MORC4: variants seen among roughly 807,000 people sequenced by gnomAD.
MORC4 encodes the protein MORC family CW-type zinc finger protein 4.
A neutral mutation model predicts 65.5 loss-of-function variants in MORC4; 22 were observed. The observed-to-expected ratio is 0.34, with a 90% CI of 0.24 to 0.48. The LOEUF is 0.48. MORC4 is among the 20% of genes least tolerant of loss of function. The pLI, the probability that MORC4 is intolerant of heterozygous loss-of-function variation, is 0.99. For missense variants in MORC4, 624 were observed against 703.0 expected (o/e 0.89, Z 1.27); for synonymous variants, 267 against 255.8 (o/e 1.04, Z -0.42).
chrX:106,970,457 G>A (rs746002081), intron 9 of MORC4, among the ~76,000 whole-genome samples: 1 of 111,863 alleles, frequency 8.9e-6, no homozygotes, highest in East Asian at 2.8e-4. Flanking sequence ...ACATGGTATT[G>A]GAAGTTCTGG....
chrX:106,942,652 C>T lies in MORC4; in HGVS notation c.2239G>A (p.Glu747Lys), dbSNP rs1347249313. The change falls in exon 15 of 17, where the codon GAG (glutamate) becomes AAG (lysine). Residue 747 changes from glutamate to lysine, a missense_variant. By Grantham distance (56) the Glu-to-Lys change is moderately conservative (BLOSUM62 1). Transcript: ENST00000355610. ...SAAIPAAAIG[E>K]KARGYEESEG... is the part of the protein sequence containing the mutation. ...CTCTCCTCATAGCCTCTTGCTTTCT[C>T]CCCAATGGCTGCAGCAGGGATTGCA... 2 of 1,209,830 alleles carry T rather than the reference C, an allele frequency of 1.7e-6. No homozygotes were observed. Among genetic ancestry groups the T allele is most frequent in the African/African-American group, 3.5e-5 (2 of 57,063 alleles).
At chrX:106,950,909 A>C (rs886594503) in intron 14 of MORC4, among the ~76,000 whole-genome samples, 2 of 111,487 alleles carry the variant, frequency 1.8e-5, no homozygotes, top group Admixed American at 9.5e-5. Flanking sequence ...AATGCCACTG[A>C]CTCTTGCTGT....
chrX:106,960,875 T>C (rs1400838493), intron 10 of MORC4, among the ~76,000 whole-genome samples: 1 of 111,969 alleles, frequency 8.9e-6, no homozygotes, highest in Admixed American at 9.5e-5. Flanking sequence ...GAAATAAAAT[T>C]TTATATCATA....
chrX:106,945,794 T>C (rs1283797805), intron 14 of MORC4, among the ~76,000 whole-genome samples: 1 of 111,343 alleles, frequency 9.0e-6, no homozygotes, highest in African/African-American at 3.3e-5. Context: ...CTCCATTGTC[T>C]GTCAATTCAT....
rs368406507 is a variant in MORC4 at position 106,958,317 on chromosome X, T to C, written c.1385+19A>G. On this transcript the variant is annotated intron_variant, in intron 11 of 16. Coordinates refer to ENST00000355610, the MANE Select transcript of MORC4 (RefSeq NM_024657.5). ...ATCAGGAGTTACCTTGAGCATAAGATTGAGTCCTGGAACCTTACCTGTACT... is the reference window on the plus strand; with the variant it reads ...ATCAGGAGTTACCTTGAGCATAAGACTGAGTCCTGGAACCTTACCTGTACT... 6.7e-6 allele frequency: 8 copies of C among 1,187,683 alleles called. No homozygotes were observed. In the African/African-American group the frequency reaches 1.2e-4, roughly 18 times the overall value.
At chrX:106,995,010 A>G (rs1935049337) in intron 2 of MORC4, among the ~76,000 whole-genome samples, 1 of 111,681 alleles carries the variant, frequency 9.0e-6, no homozygotes, top group African/African-American at 3.3e-5. Flanking sequence ...TTCAAAATCT[A>G]TTCTTCTAGC....
At chrX:106,970,404 T>G (rs1378982409) in intron 9 of MORC4, among the ~76,000 whole-genome samples, 2 of 112,118 alleles carry the variant, frequency 1.8e-5, no homozygotes, top group Non-Finnish European at 3.8e-5. Context: ...GCATTCCCTT[T>G]GAAAACTGGC....
chrX:106,993,340 T>C lies in MORC4; in HGVS notation c.198A>G (p.Val66=). The change falls in exon 3 of 17, where the codon GTA becomes GTG. Residue 66 remains valine, a synonymous_variant. Coordinates refer to ENST00000355610, the MANE Select transcript of MORC4 (RefSeq NM_024657.5). The part of the protein sequence containing the change: ...ELLDNAVDPD[V]SARTVFIDVE... The stretch of plus-strand genomic sequence containing the variant: ...CATCTATAAAGACCGTCCTGGCAGA[T>C]ACATCTGGATCTACAGCATTATCTG... The C allele has an allele frequency of 8.3e-7, 1 of 1,208,918 alleles. No individual in the cohort carries two copies. The highest frequency in any genetic ancestry group is 1.1e-6 in the Non-Finnish European group (1 of 893,825).
chrX:106,955,777 A>G (rs1228157317), intron 13 of MORC4, among the ~76,000 whole-genome samples: 1 of 111,325 alleles, frequency 9.0e-6, no homozygotes, highest in Non-Finnish European at 1.9e-5. Context: ...CTCTATCCTC[A>G]CCAGTCTGAC....
At chrX:106,950,157 C>T (rs1933937335) in intron 14 of MORC4, among the ~76,000 whole-genome samples, 1 of 112,259 alleles carries the variant, frequency 8.9e-6, no homozygotes, top group Non-Finnish European at 1.9e-5. Context: ...CTTTCTGACA[C>T]CCAAGACTAT....
At chrX:106,999,624 C>A in intron 2 of MORC4, 53 bp downstream of exon 2, 1 of 1,085,774 alleles carries the variant, frequency 9.2e-7, no homozygotes, top group Non-Finnish European at 1.2e-6. Flanking sequence ...CGCGGCACCA[C>A]GCTGGCACCA....
At chrX:106,967,021 C>T (rs937702349) in intron 9 of MORC4, among the ~76,000 whole-genome samples, 11 of 111,836 alleles carry the variant, frequency 9.8e-5, no homozygotes, top group African/African-American at 3.6e-4. Flanking sequence ...CCCTGACCCC[C>T]GTGTAGCCTG....
chrX:106,961,974 T>C lies in MORC4; in HGVS notation c.1256+38A>G. On this transcript the variant is annotated intron_variant, in intron 10 of 16. Transcript: ENST00000355610. ...TTCCTTCCATTTGATCTATGGATAT[T>C]ACCCCTAATACATTCATATTCTGTA... 2.9e-6 allele frequency: 3 copies of C among 1,020,184 alleles called. No homozygotes were observed. The South Asian group carries it at 5.9e-5, about 20-fold the overall frequency. 84.1% of individuals were successfully genotyped at this position (1,020,184 alleles called of 1,213,427 possible). A position where few individuals can be genotyped will look rare whatever the true frequency, so the allele number is the denominator to read the frequency against.
intron 11 of MORC4, among the ~76,000 whole-genome samples, chrX:106,957,375 A>G (rs1044359598): frequency 6.3e-5 from 7 of 111,946 alleles, no homozygotes; most frequent in Non-Finnish European, 1.3e-4. Flanking sequence ...CCATATTCTA[A>G]TTACACAATC....
chrX:106,975,687 C>T (rs911622560), intron 9 of MORC4, among the ~76,000 whole-genome samples: 19 of 110,820 alleles, frequency 1.7e-4, no homozygotes, highest in Middle Eastern at 4.7e-3. Flanking sequence ...TCCCAGAATA[C>T]CTCTTACCCT....
Position 106,958,467 on chromosome X carries a change from G to A in MORC4, c.1257-3C>T. 8.3e-7 allele frequency: 1 copy of A among 1,199,796 alleles called. No homozygotes were observed. The highest frequency in any genetic ancestry group is 1.1e-6 in the Non-Finnish European group (1 of 889,485). Reference sequence around the variant, plus strand: ...CCCATGTCTGGTCAGGAACCTTCCTGAATGAAGGAAAATGGAAGTGTGACT... The same window carrying A: ...CCCATGTCTGGTCAGGAACCTTCCTAAATGAAGGAAAATGGAAGTGTGACT... On this transcript the variant is annotated splice_polypyrimidine_tract_variant and splice_region_variant and intron_variant, in intron 10 of 16. Transcript: ENST00000355610.
chrX:106,970,566 G>C (rs1934484792), intron 9 of MORC4, among the ~76,000 whole-genome samples: 1 of 111,799 alleles, frequency 8.9e-6, no homozygotes, highest in African/African-American at 3.3e-5. Flanking sequence ...TGTATACTTA[G>C]AAAACCCCAT....
At chrX:106,966,523 T>C (rs1414412761) in intron 9 of MORC4, among the ~76,000 whole-genome samples, 2 of 112,469 alleles carry the variant, frequency 1.8e-5, no homozygotes, top group African/African-American at 3.2e-5. Context: ...GGATTTCCCT[T>C]TCCTAGCCAA....
intron 14 of MORC4, among the ~76,000 whole-genome samples, chrX:106,953,641 C>A (rs568653421): frequency 8.1e-5 from 9 of 111,060 alleles, no homozygotes; most frequent in African/African-American, 2.0e-4. Context: ...TTCCAAGGCA[C>A]CGTTCTATTG....
Sources: gnomAD v4.1 joint callset for allele counts (sites outside exome capture counted in the v4.1 genomes callset) on GRCh38, gnomAD v4.1.1 for gene constraint, MANE v1.5 for transcripts, NCBI Gene and HGNC (gene_info 2026-07-23, HGNC 2026-07-21) for gene names.